PRKN: variants seen among roughly 807,000 people sequenced by gnomAD.
PRKN encodes E3 ubiquitin-protein ligase parkin.
A neutral mutation model predicts 59.5 loss-of-function variants in PRKN; 56 were observed. The observed-to-expected ratio is 0.94, with a 90% CI of 0.76 to 1.18. The LOEUF is 1.18. PRKN is among the 50% of genes most tolerant of loss of function. The probability of loss-of-function intolerance (pLI) is 0.00; values close to 1 mark genes in which losing one functional copy is unlikely to be tolerated. For synonymous variants in PRKN, 250 were observed against 222.1 expected, an observed-to-expected ratio of 1.13 and a Z score of -1.12; for missense variants, 657 against 596.4, an observed-to-expected ratio of 1.10 and a Z score of -1.06.
intron 7 of PRKN, among the ~76,000 whole-genome samples, chr6:161,762,604 C>A (rs1327778587): frequency 6.6e-6 from 1 of 152,132 alleles, no homozygotes; most frequent in East Asian, 1.9e-4. Flanking sequence ...AATTTAATTT[C>A]ATATAATCTA....
intron 7 of PRKN, among the ~76,000 whole-genome samples, chr6:161,638,474 A>T (rs1783612011): frequency 6.6e-6 from 1 of 152,166 alleles, no homozygotes; most frequent in Non-Finnish European, 1.5e-5. Flanking sequence ...CCATCTATGA[A>T]GGCATTATTT....
chr6:162,675,622 A>G (rs2128231272), intron 1 of PRKN, among the ~76,000 whole-genome samples: 1 of 152,290 alleles, frequency 6.6e-6, no homozygotes, highest in South Asian at 2.1e-4. Context: ...TACAACCTAC[A>G]CTAAAAGATA....
chr6:161,852,326 G>A (rs1793472504), intron 6 of PRKN, among the ~76,000 whole-genome samples: 1 of 152,038 alleles, frequency 6.6e-6, no homozygotes, highest in African/African-American at 2.4e-5. Flanking sequence ...GGTGGTGCAA[G>A]CCTATAGTCT....
intron 3 of PRKN, among the ~76,000 whole-genome samples, chr6:162,241,427 G>A (rs1379044255): frequency 6.6e-6 from 1 of 152,164 alleles, no homozygotes; most frequent in East Asian, 1.9e-4. Context: ...TGAGTAAAGT[G>A]TAATGAGTTC....
rs1439706412 is a variant in PRKN at position 161,561,089 on chromosome 6, G to C, written c.933+8266C>G. ...CTCAAGATTGTATTGTGTTTCTCCA[G>C]TGACATGTTCTCTCTTCTTTCTTCC... On this transcript the variant is annotated intron_variant, in intron 8 of 11. Transcript: ENST00000366898. This position sits in a 1 kb window ranked among gnomAD's most constrained non-coding sequence, Gnocchi z 5.0. Among the ~76,000 whole-genome samples the C allele has an allele frequency of 2.6e-5, 4 of 152,138 alleles. No individual in the cohort carries two copies. Among genetic ancestry groups the C allele is most frequent in the African/African-American group, 9.7e-5 (4 of 41,436 alleles).
At chr6:162,727,283 A>AAGGTGAGGGGCGGCGGC in intron 1 of PRKN, 1 of 265,566 alleles carries the variant, frequency 3.8e-6, no homozygotes, top group Non-Finnish European at 6.9e-6. Context: ...CAGTGAGGTG[A>AAGGTGAGGGGCGGCGGC]GGGGCGAAGG....
At chr6:162,590,443 A>G (rs1186980771) in intron 1 of PRKN, among the ~76,000 whole-genome samples, 1 of 152,208 alleles carries the variant, frequency 6.6e-6, no homozygotes, top group Admixed American at 6.5e-5. Context: ...AAAGTTAGCC[A>G]TCTTTCTTTT....
rs1053301925 is a variant in PRKN at position 161,405,769 on chromosome 6, G to A, written c.1084-18892C>T. Among the ~76,000 whole-genome samples the A allele has an allele frequency of 1.3e-4, 20 of 151,990 alleles. No individual in the cohort carries two copies. Among genetic ancestry groups the A allele is most frequent in the Admixed American group, 1.1e-3 (17 of 15,246 alleles). On this transcript the variant is annotated intron_variant, in intron 9 of 11. Coordinates refer to ENST00000366898, the MANE Select transcript of PRKN (RefSeq NM_004562.3). The surrounding 1 kb of genome is among the most constrained non-coding windows in gnomAD (Gnocchi z 5.1). The stretch of plus-strand genomic sequence containing the variant: ...GTGTTCCAAGTCTCGTACCCGTTGG[G>A]CCATTTGAGAAGTGGCAACAGGGGA...
chr6:162,361,042 G>A lies in PRKN; in HGVS notation c.171+82268C>T, dbSNP rs61416814. 5.7e-3 allele frequency among the ~76,000 whole-genome samples: 863 copies of A among 152,274 alleles called. 9 individuals carry two copies. The highest frequency in any genetic ancestry group is 0.017 in the African/African-American group (694 of 41,550). On this transcript the variant is annotated intron_variant, in intron 2 of 11. Transcript: ENST00000366898. ...TATCTTAAGTGAAATGTTCTCATCA[G>A]AAACTTTGGCATCCCATCCAGTGCC... is the stretch of plus-strand genomic sequence containing the variant.
intron 2 of PRKN, among the ~76,000 whole-genome samples, chr6:162,351,141 T>C (rs1233395429): frequency 1.3e-5 from 2 of 152,142 alleles, no homozygotes; most frequent in Non-Finnish European, 1.5e-5. Flanking sequence ...CAGTGATCCA[T>C]GATCCTGCCA....
chr6:162,479,653 C>T (rs964416552), intron 1 of PRKN, among the ~76,000 whole-genome samples: 1 of 152,100 alleles, frequency 6.6e-6, no homozygotes, highest in African/African-American at 2.4e-5. Context: ...ACTGGAGGGT[C>T]TTCAGGGACA....
chr6:162,655,873 AACTG>A (rs1778623717), intron 1 of PRKN, among the ~76,000 whole-genome samples: 1 of 152,186 alleles, frequency 6.6e-6, no homozygotes, highest in Non-Finnish European at 1.5e-5. Context: ...GTGAAATGTA[AACTG>A]ACTTTTAATT....
rs773618878 is a variant in PRKN at position 161,532,141 on chromosome 6, A to ACTCTCTCTCT, written c.1083+16703_1083+16712dup. ...TCTATCCATCCTATCTCTGTCTTGC[A>ACTCTCTCTCT]CTCTCTCTCTCTCTCTCTCTCTCTC... On this transcript the variant is annotated intron_variant, in intron 9 of 11. Transcript: ENST00000366898. Among the ~76,000 whole-genome samples the ACTCTCTCTCT allele has an allele frequency of 6.2e-3, 839 of 134,250 alleles. 8 individuals are homozygous for ACTCTCTCTCT. Among genetic ancestry groups the ACTCTCTCTCT allele is most frequent in the African/African-American group, 0.022 (788 of 35,310 alleles). 88.1% of individuals were successfully genotyped at this position (134,250 alleles called of 152,430 possible).
intron 1 of PRKN, among the ~76,000 whole-genome samples, chr6:162,608,292 G>A (rs1301283979): frequency 6.6e-6 from 1 of 152,214 alleles, no homozygotes; most frequent in East Asian, 1.9e-4. Context: ...AGTGACAGGG[G>A]TTGAAAGCGT....
chr6:162,501,514 ATTT>A (rs10596593), intron 1 of PRKN, among the ~76,000 whole-genome samples: 107 of 141,782 alleles, frequency 7.5e-4, no homozygotes, highest in Middle Eastern at 3.8e-3. Flanking sequence ...CGCCTGGTTA[ATTT>A]TTTTTTTTTT....
intron 1 of PRKN, among the ~76,000 whole-genome samples, chr6:162,720,871 C>T (rs1373245442): frequency 1.3e-5 from 2 of 152,148 alleles, no homozygotes; most frequent in Admixed American, 1.3e-4. Context: ...GTTCTCTCCA[C>T]ACAGAGAAGA....
intron 1 of PRKN, among the ~76,000 whole-genome samples, chr6:162,522,501 G>C (rs1778117439): frequency 1.3e-5 from 2 of 152,208 alleles, no homozygotes; most frequent in African/African-American, 4.8e-5. Context: ...TGATAAAGCA[G>C]ATTAAAGAAT....
chr6:161,942,758 T>G (rs1779613004), intron 6 of PRKN, among the ~76,000 whole-genome samples: 1 of 152,088 alleles, frequency 6.6e-6, no homozygotes, highest in Admixed American at 6.6e-5. Context: ...TTTGGAAACG[T>G]TAAGGTTGGA....
Position 161,578,291 on chromosome 6 carries a change from C to T in PRKN, c.872-8875G>A, listed in dbSNP as rs146802251. ...GGCTGAGAACTGAGACCACTGAGAC[C>T]TAATTATTTGTTCCAGAAGAATTCT... On this transcript the variant is annotated intron_variant, in intron 7 of 11. Coordinates refer to ENST00000366898, the MANE Select transcript of PRKN (RefSeq NM_004562.3). This position sits in a 1 kb window ranked among gnomAD's most constrained non-coding sequence, Gnocchi z 4.2. Among the ~76,000 whole-genome samples the T allele has an allele frequency of 5.9e-5, 9 of 152,278 alleles. No individual in the cohort carries two copies. Among genetic ancestry groups the T allele is most frequent in the African/African-American group, 2.2e-4 (9 of 41,540 alleles).
Sources: gnomAD v4.1 joint callset for allele counts (sites outside exome capture counted in the v4.1 genomes callset) on GRCh38, gnomAD v4.1.1 for gene constraint, Gnocchi (gnomAD v3.1) non-coding constraint, MANE v1.5 for transcripts, NCBI Gene and HGNC (gene_info 2026-07-23, HGNC 2026-07-21) for gene names.